The following SLC38A12 variants were observed in gnomAD, a reference collection of about 807,000 sequenced individuals.
The protein encoded by SLC38A12 is solute carrier family 38 member 12.
At chr17:74,802,696 A>G in the SLC38A12 span, among the ~76,000 whole-genome samples, 1 of 152,238 alleles carries the variant, frequency 6.6e-6, no homozygotes, top group East Asian at 1.9e-4. Flanking sequence ...AAAATATTCC[A>G]GTGAGCATTT....
the SLC38A12 span, among the ~76,000 whole-genome samples, chr17:74,798,628 G>T: frequency 6.6e-5 from 10 of 152,228 alleles, no homozygotes; most frequent in Admixed American, 6.5e-4. Context: ...GCTCTCTGGG[G>T]TGTCCCAGCA....
the SLC38A12 span, chr17:74,838,573 CCCT>C: frequency 1.7e-6 from 2 of 1,202,450 alleles, no homozygotes; most frequent in Non-Finnish European, 2.1e-6. Flanking sequence ...TGGCCGTGTT[CCCT>C]GCCCTGGAGG....
chr17:74,831,903 C>T, the SLC38A12 span, among the ~76,000 whole-genome samples: 1 of 152,250 alleles, frequency 6.6e-6, no homozygotes, highest in Non-Finnish European at 1.5e-5. Context: ...TGCTCCCCAT[C>T]GCGCATCCTG....
the SLC38A12 span, among the ~76,000 whole-genome samples, chr17:74,802,978 A>T: frequency 1.3e-5 from 2 of 152,118 alleles, no homozygotes; most frequent in Non-Finnish European, 2.9e-5. Flanking sequence ...GTGAATGGAG[A>T]TGGGAAATGA....
chr17:74,782,892 G>A, the SLC38A12 span, among the ~76,000 whole-genome samples: 1 of 152,208 alleles, frequency 6.6e-6, no homozygotes, highest in African/African-American at 2.4e-5. Context: ...CACTTTGAAA[G>A]GTCGAGGAGG....
the SLC38A12 span, chr17:74,819,924 C>T: frequency 8.9e-5 from 116 of 1,296,784 alleles, no homozygotes; most frequent in African/African-American, 1.5e-3. Context: ...CCGTGCAGGG[C>T]CCCCAGCCGT....
chr17:74,800,523 C>G, the SLC38A12 span, among the ~76,000 whole-genome samples: 1 of 152,264 alleles, frequency 6.6e-6, no homozygotes, highest in African/African-American at 2.4e-5. Context: ...AGTGGGTCAA[C>G]GCTGCCTTCA....
chr17:74,787,755 G>A, the SLC38A12 span, among the ~76,000 whole-genome samples: 1 of 151,684 alleles, frequency 6.6e-6, no homozygotes, highest in African/African-American at 2.4e-5. Context: ...GTTAACAAAA[G>A]CATTCATGCA....
chr17:74,819,575 C>G, the SLC38A12 span, among the ~76,000 whole-genome samples: 1 of 152,212 alleles, frequency 6.6e-6, no homozygotes, highest in Non-Finnish European at 1.5e-5. Context: ...TTGTTCCACC[C>G]CTGGCACTGG....
the SLC38A12 span, chr17:74,795,629 C>T: frequency 6.2e-7 from 1 of 1,613,390 alleles, no homozygotes; most frequent in Non-Finnish European, 8.5e-7. Context: ...ACCGCATCTA[C>T]TTGGTGAGTG....
the SLC38A12 span, among the ~76,000 whole-genome samples, chr17:74,818,850 G>C: frequency 4.6e-5 from 7 of 152,102 alleles, no homozygotes; most frequent in Non-Finnish European, 8.8e-5. Flanking sequence ...TCTACTCCCT[G>C]AGCAACCAAT....
At chr17:74,827,909 C>T in the SLC38A12 span, among the ~76,000 whole-genome samples, 4 of 136,282 alleles carry the variant, frequency 2.9e-5, no homozygotes, top group African/African-American at 5.6e-5. This position sits in a 1 kb window ranked among gnomAD's most constrained non-coding sequence, Gnocchi z 4.7. Flanking sequence ...CCACCCCTTC[C>T]GAGGCCCAGC....
the SLC38A12 span, among the ~76,000 whole-genome samples, chr17:74,792,230 C>T: frequency 0.44 from 66,830 of 151,924 alleles, 15,980 homozygotes; most frequent in Non-Finnish European, 0.55. Context: ...GCAGGCGGAT[C>T]ACTTGAGACC....
the SLC38A12 span, among the ~76,000 whole-genome samples, chr17:74,819,424 T>G: frequency 1.3e-5 from 2 of 152,236 alleles, 1 homozygote; most frequent in Non-Finnish European, 2.9e-5. Flanking sequence ...GGTGGGCACA[T>G]CATGGATCTT....
At chr17:74,778,641 T>C in the SLC38A12 span, among the ~76,000 whole-genome samples, 2 of 28,208 alleles carry the variant, frequency 7.1e-5, no homozygotes, top group Non-Finnish European at 2.2e-4. Flanking sequence ...GGGGAAGTCT[T>C]TTTTTTTTTT....
At chr17:74,796,393 A>G in the SLC38A12 span, among the ~76,000 whole-genome samples, 1 of 152,370 alleles carries the variant, frequency 6.6e-6, no homozygotes, top group East Asian at 1.9e-4. Context: ...ACACGTGGCC[A>G]CTTGGCTGAT....
chr17:74,797,639 T>C, the SLC38A12 span, among the ~76,000 whole-genome samples: 1 of 152,108 alleles, frequency 6.6e-6, no homozygotes, highest in Non-Finnish European at 1.5e-5. Flanking sequence ...GCTCCCAGGG[T>C]GTGAGGTTCT....
At chr17:74,790,865 T>C in the SLC38A12 span, 1 of 1,137,410 alleles carries the variant, frequency 8.8e-7, no homozygotes, top group African/African-American at 1.6e-5. Flanking sequence ...GGGGATTTCA[T>C]GGTTTAGATA....
At chr17:74,829,721 G>T in the SLC38A12 span, among the ~76,000 whole-genome samples, 6,923 of 152,182 alleles carry the variant, frequency 0.045, 499 homozygotes, top group African/African-American at 0.16. This position sits in a 1 kb window ranked among gnomAD's most constrained non-coding sequence, Gnocchi z 4.1. Flanking sequence ...CAGAGCGGAG[G>T]TAGGGGCTCC....
Sources: gnomAD v4.1 joint callset for allele counts (sites outside exome capture counted in the v4.1 genomes callset) on GRCh38, gnomAD v4.1.1 for gene constraint, Gnocchi (gnomAD v3.1) non-coding constraint, MANE v1.5 for transcripts, NCBI Gene and HGNC (gene_info 2026-07-23, HGNC 2026-07-21) for gene names.